The following SPTBN4 variants were observed in gnomAD, a reference collection of about 807,000 sequenced individuals.
SPTBN4 encodes spectrin beta chain, non-erythrocytic 4.
Under a neutral mutation model 277.8 loss-of-function variants are expected in SPTBN4, and 96 were observed. That is an observed-to-expected ratio of 0.35 (90% CI 0.29 to 0.41). The LOEUF is 0.41. Among genes scored for constraint, SPTBN4 ranks in the 10% least tolerant of loss-of-function variants. The probability of loss-of-function intolerance (pLI) is 1.00; values close to 1 mark genes in which losing one functional copy is unlikely to be tolerated. For missense variants in SPTBN4, 3,006 were observed against 3,595.7 expected, an observed-to-expected ratio of 0.84 and a Z score of 4.19; for synonymous variants, 1,481 against 1,580.3, an observed-to-expected ratio of 0.94 and a Z score of 1.49.
intron 2 of SPTBN4, among the ~76,000 whole-genome samples, chr19:40,477,170 G>T (rs1320830633): frequency 1.3e-5 from 2 of 151,880 alleles, no homozygotes; most frequent in African/African-American, 2.4e-5. Context: ...CTCCCAAGTA[G>T]CTGAGACTAC....
Position 40,469,833 on chromosome 19 carries a change from G to A in SPTBN4, c.-16+2528G>A, listed in dbSNP as rs554462380. 5.3e-5 allele frequency among the ~76,000 whole-genome samples: 8 copies of A among 151,162 alleles called. No homozygotes were observed. The Admixed American group carries it at 5.3e-4, about 10-fold the overall frequency. On this transcript the variant is annotated intron_variant, in intron 1 of 35. Transcript: ENST00000598249. ...TAGTTTTTATATTTTTAGTAGAGGC[G>A]GGGTTTCACCATGTTGGCCAGGCTG...
intron 7 of SPTBN4, among the ~76,000 whole-genome samples, chr19:40,499,472 T>C (rs2080239605): frequency 6.6e-6 from 1 of 152,032 alleles, no homozygotes; most frequent in Non-Finnish European, 1.5e-5. Context: ...TCACTACAGC[T>C]TCAACCTCCT....
At chr19:40,563,151 G>A (rs2081059867) in intron 27 of SPTBN4, among the ~76,000 whole-genome samples, 1 of 152,088 alleles carries the variant, frequency 6.6e-6, no homozygotes, top group South Asian at 2.1e-4. Context: ...GGGTCAGGCT[G>A]CAGTGAGCCA....
At chr19:40,510,833 G>A (rs2080382521) in intron 13 of SPTBN4, among the ~76,000 whole-genome samples, 1 of 151,902 alleles carries the variant, frequency 6.6e-6, no homozygotes, top group Non-Finnish European at 1.5e-5. Flanking sequence ...ACCAGCCAGC[G>A]AGACTCTATT....
Position 40,569,710 on chromosome 19 carries a change from C to G in SPTBN4, c.7010C>G (p.Pro2337Arg). 6.2e-7 allele frequency: 1 copy of G among 1,612,244 alleles called. No homozygotes were observed. Residue 2337 changes from proline to arginine, a missense_variant, in exon 32 of 36, where the codon CCA (proline) becomes CGA (arginine). Coordinates refer to ENST00000598249, the MANE Select transcript of SPTBN4 (RefSeq NM_020971.3). ...VEQLQEKEAG[P>R]GLPAGPSLPQ... is the part of the protein sequence containing the mutation. ...CAGCTGCAGGAGAAAGAGGCAGGCC[C>G]AGGGCTGCCTGCTGGGGTAAGTTGA...
At chr19:40,540,169 C>T (rs1205067111) in intron 20 of SPTBN4, among the ~76,000 whole-genome samples, 3 of 151,972 alleles carry the variant, frequency 2.0e-5, no homozygotes, top group Non-Finnish European at 2.9e-5. Flanking sequence ...TCAAGTGATC[C>T]GCCCGCCTCG....
intron 13 of SPTBN4, among the ~76,000 whole-genome samples, chr19:40,509,051 G>C (rs1323881651): frequency 1.4e-5 from 2 of 147,786 alleles, no homozygotes; most frequent in African/African-American, 5.0e-5. Flanking sequence ...AGCGTTCTGT[G>C]AGTTTTTTTT....
intron 30 of SPTBN4, among the ~76,000 whole-genome samples, chr19:40,566,863 G>A (rs1196258235): frequency 6.6e-6 from 1 of 151,946 alleles, no homozygotes; most frequent in African/African-American, 2.4e-5. Flanking sequence ...TACTCGGGAG[G>A]CTGAGGCAGG....
intron 2 of SPTBN4, among the ~76,000 whole-genome samples, chr19:40,486,977 G>A (rs2080079141): frequency 6.6e-6 from 1 of 152,146 alleles, no homozygotes; most frequent in African/African-American, 2.4e-5. Context: ...TTCACCAGGT[G>A]GGTGGCAGAG....
At position 40,554,463 on chromosome 19, in the gene SPTBN4, C is replaced by G; in HGVS notation, c.4953+38C>G. 2 of 1,502,686 alleles carry G rather than the reference C, an allele frequency of 1.3e-6. No individual in the cohort carries two copies. Among genetic ancestry groups the G allele is most frequent in the Non-Finnish European group, 1.8e-6 (2 of 1,122,234 alleles). The allele number at this position is 1,502,686 out of a possible 1,614,324, so 93.1% of individuals were successfully genotyped here. A position where few individuals can be genotyped will look rare whatever the true frequency, so the allele number is the denominator to read the frequency against. On this transcript the variant is annotated intron_variant, in intron 23 of 35. Coordinates refer to ENST00000598249, the MANE Select transcript of SPTBN4 (RefSeq NM_020971.3). The surrounding 1 kb of genome is among the most constrained non-coding windows in gnomAD (Gnocchi z 5.7). Reference sequence around the variant, plus strand: ...TGGGGGTGCGGAGGGCCTGGGGGCGCTGGAGCCGGGGGCCGCCGCTGCCGC... The same window carrying G: ...TGGGGGTGCGGAGGGCCTGGGGGCGGTGGAGCCGGGGGCCGCCGCTGCCGC...
intron 11 of SPTBN4, among the ~76,000 whole-genome samples, chr19:40,503,258 G>T (rs1298277510): frequency 6.6e-6 from 1 of 152,032 alleles, no homozygotes; most frequent in East Asian, 1.9e-4. Flanking sequence ...CAGAAGGATA[G>T]AATTGGTTTC....
In SPTBN4 at chr19:40,526,478, G is replaced by T. The variant is rs542698539; in HGVS notation, c.3858-2563G>T. 1.4e-4 allele frequency among the ~76,000 whole-genome samples: 22 copies of T among 152,176 alleles called. No individual in the cohort carries two copies. In the East Asian group the frequency reaches 4.3e-3, roughly 30 times the overall value. ...TGAGCCACCGCGCCGGCCGCTAGGTGCTGTTCTTATCTGCGTTTTGCATGT... is the reference window on the plus strand; with the variant it reads ...TGAGCCACCGCGCCGGCCGCTAGGTTCTGTTCTTATCTGCGTTTTGCATGT... On this transcript the variant is annotated intron_variant, in intron 17 of 35. Coordinates refer to ENST00000598249, the MANE Select transcript of SPTBN4 (RefSeq NM_020971.3).
intron 3 of SPTBN4, among the ~76,000 whole-genome samples, 197 bp downstream of exon 3, chr19:40,488,045 A>G (rs1348500151): frequency 6.6e-6 from 1 of 151,950 alleles, no homozygotes; most frequent in Non-Finnish European, 1.5e-5. Flanking sequence ...CTTGGTCGTG[A>G]GAAGCCTGGG....
At chr19:40,563,508 T>A (rs2081063288) in intron 27 of SPTBN4, among the ~76,000 whole-genome samples, 1 of 152,026 alleles carries the variant, frequency 6.6e-6, no homozygotes, top group African/African-American at 2.4e-5. Context: ...AAATGAAACT[T>A]AATTTTAGTA....
At chr19:40,477,730 T>A (rs559688373) in intron 2 of SPTBN4, among the ~76,000 whole-genome samples, 1 of 152,278 alleles carries the variant, frequency 6.6e-6, no homozygotes, top group South Asian at 2.1e-4. Context: ...TGGAAGAGTA[T>A]TCTAGGTAGA....
chr19:40,479,675 C>CATATATGTATATATATAT (rs2079987434), intron 2 of SPTBN4, among the ~76,000 whole-genome samples: 1 of 126,698 alleles, frequency 7.9e-6, no homozygotes, highest in African/African-American at 3.2e-5. Flanking sequence ...AATGAGTAAG[C>CATATATGTATATATATAT]ATATATATAT....
chr19:40,550,391 AGGT>A, intron 22 of SPTBN4, 64 bp downstream of exon 22: 4 of 1,509,004 alleles, frequency 2.7e-6, no homozygotes, highest in Non-Finnish European at 3.6e-6. Flanking sequence ...AAACAGCTGA[AGGT>A]GGTTAAAGCC....
intron 32 of SPTBN4, 73 bp from the exon 33 acceptor site, chr19:40,570,363 A>G (rs2081142094): frequency 2.0e-6 from 2 of 993,096 alleles, no homozygotes; most frequent in African/African-American, 1.7e-5. Context: ...CCCCAGACCC[A>G]TGACTCCCCC....
chr19:40,503,763 A>G (rs1599739413), intron 11 of SPTBN4, 67 bp from the exon 12 acceptor site: 2 of 1,496,560 alleles, frequency 1.3e-6, no homozygotes, highest in East Asian at 4.7e-5. Flanking sequence ...CCCCAGGGTC[A>G]CACAGGGTCA....
Sources: gnomAD v4.1 joint callset for allele counts (sites outside exome capture counted in the v4.1 genomes callset) on GRCh38, gnomAD v4.1.1 for gene constraint, Gnocchi (gnomAD v3.1) non-coding constraint, MANE v1.5 for transcripts, NCBI Gene and HGNC (gene_info 2026-07-23, HGNC 2026-07-21) for gene names.